Variants in ACTR3C observed in about 807,000 individuals in gnomAD.
ACTR3C encodes the protein actin related protein 3C.
In ACTR3C, 18 loss-of-function variants were observed where a neutral mutation model predicts 26.3. The ratio of observed to expected loss-of-function variants is 0.68; its 90% CI spans 0.47 to 1.01. The LOEUF (loss-of-function observed/expected upper bound fraction) is 1.01, where lower values mean the gene tolerates loss of function less well. ACTR3C is among the 50% of genes least tolerant of loss of function. The probability of loss-of-function intolerance (pLI) is 0.00; values close to 1 mark genes in which losing one functional copy is unlikely to be tolerated. For missense variants in ACTR3C, 184 were observed against 250.7 expected (o/e 0.73, Z 1.80); for synonymous variants, 55 against 94.5 (o/e 0.58, Z 2.42).
chr7:149,922,970 C>CTTGTATTTTTTTTTTTTT, the ACTR3C span, among the ~76,000 whole-genome samples: 1 of 69,146 alleles, frequency 1.4e-5, no homozygotes, highest in East Asian at 5.8e-4. Flanking sequence ...AAATAAAAGG[C>CTTGTATTTTTTTTTTTTT]TTTTTTTTTT....
At chr7:150,038,666 G>GA in the ACTR3C span, among the ~76,000 whole-genome samples, 1 of 144,624 alleles carries the variant, frequency 6.9e-6, no homozygotes, top group Admixed American at 6.8e-5. Context: ...CGTAAGGTCG[G>GA]AAGATTTGAA....
the ACTR3C span, among the ~76,000 whole-genome samples, chr7:150,086,108 C>T: frequency 6.6e-6 from 1 of 152,074 alleles, no homozygotes; most frequent in Non-Finnish European, 1.5e-5. Flanking sequence ...CTCAGCCTCC[C>T]AAGTAGCTGG....
the ACTR3C span, among the ~76,000 whole-genome samples, chr7:150,062,557 A>G: frequency 6.6e-6 from 1 of 151,392 alleles, no homozygotes; most frequent in East Asian, 1.9e-4. Context: ...AAAAGTAACA[A>G]AATCATGGTA....
At chr7:149,898,902 G>A in the ACTR3C span, among the ~76,000 whole-genome samples, 45 of 151,838 alleles carry the variant, frequency 3.0e-4, 1 homozygote, top group South Asian at 8.7e-3. Context: ...CAGTTCTTAT[G>A]AACACAATGG....
At chr7:150,264,646 C>A in intron 6 of ACTR3C, 2 of 963,354 alleles carry the variant, frequency 2.1e-6, no homozygotes, top group Non-Finnish European at 2.5e-6. Context: ...AAACAAAAGT[C>A]CCTAAACCGA....
chr7:150,279,030 C>T (rs1039158919), intron 6 of ACTR3C, among the ~76,000 whole-genome samples: 4 of 152,140 alleles, frequency 2.6e-5, no homozygotes, highest in Non-Finnish European at 5.9e-5. Flanking sequence ...ATAGAGCCGG[C>T]GCAGTGGTTC....
At chr7:149,976,209 T>C in the ACTR3C span, among the ~76,000 whole-genome samples, 1 of 152,192 alleles carries the variant, frequency 6.6e-6, no homozygotes, top group Non-Finnish European at 1.5e-5. Flanking sequence ...TAGATGACCA[T>C]TTTCTACTAC....
At chr7:150,103,576 T>G in the ACTR3C span, among the ~76,000 whole-genome samples, 1 of 151,978 alleles carries the variant, frequency 6.6e-6, no homozygotes, top group Admixed American at 6.6e-5. Context: ...GTGGTTGCAA[T>G]GAACATATAT....
rs1223586570 is a variant in ACTR3C, at chr7:150,303,543, C to T, written c.-51-8196G>A. ...ATCTATGTATTTCCATTTAAAGGAA[C>T]ATTTACAATATAATGATGTTCTCCT... On this transcript the variant is annotated intron_variant, in intron 1 of 7. Coordinates refer to ENST00000683684, the MANE Select transcript of ACTR3C (RefSeq NM_001164458.2). Among the ~76,000 whole-genome samples the T allele has an allele frequency of 5.3e-5, 8 of 152,316 alleles. No individual in the cohort carries two copies. The East Asian group carries it at 5.8e-4, about 11-fold the overall frequency.
the ACTR3C span, among the ~76,000 whole-genome samples, chr7:150,046,481 G>A: frequency 6.6e-6 from 1 of 151,528 alleles, no homozygotes; most frequent in South Asian, 2.1e-4. Flanking sequence ...CCCTGGGTAC[G>A]TCAGGGTAGA....
the ACTR3C span, among the ~76,000 whole-genome samples, chr7:150,060,452 G>C: frequency 2.6e-5 from 4 of 152,142 alleles, no homozygotes; most frequent in East Asian, 5.8e-4. Context: ...TCCCACCTAT[G>C]CCACACCAAC....
the ACTR3C span, among the ~76,000 whole-genome samples, chr7:150,028,400 G>A: frequency 2.6e-5 from 4 of 152,410 alleles, no homozygotes; most frequent in Admixed American, 6.5e-5. Context: ...GTAAGTGCAC[G>A]GGAGATCAAA....
the ACTR3C span, among the ~76,000 whole-genome samples, chr7:149,967,462 G>A: frequency 6.6e-6 from 1 of 152,252 alleles, no homozygotes; most frequent in Non-Finnish European, 1.5e-5. Flanking sequence ...GTTTGCCACC[G>A]TGTCTGGCCC....
At chr7:150,298,549 T>C (rs1167397658) in intron 1 of ACTR3C, among the ~76,000 whole-genome samples, 2 of 144,196 alleles carry the variant, frequency 1.4e-5, no homozygotes, top group Admixed American at 6.9e-5. Flanking sequence ...AGGTAATTAG[T>C]ACCCCACTCA....
the ACTR3C span, among the ~76,000 whole-genome samples, chr7:150,141,431 G>A: frequency 2.0e-5 from 3 of 151,874 alleles, no homozygotes; most frequent in African/African-American, 7.3e-5. Flanking sequence ...GGACCCATTA[G>A]TAACGAGCAT....
the ACTR3C span, among the ~76,000 whole-genome samples, chr7:150,025,052 A>G: frequency 2.0e-5 from 3 of 151,566 alleles, no homozygotes; most frequent in Non-Finnish European, 4.4e-5. Flanking sequence ...TAAGCAATTG[A>G]TTCTTCAAAG....
At chr7:149,885,188 CATT>C in the ACTR3C span, among the ~76,000 whole-genome samples, 1 of 152,162 alleles carries the variant, frequency 6.6e-6, no homozygotes, top group African/African-American at 2.4e-5. Context: ...ACACCCCTAC[CATT>C]GAAACCACTG....
At chr7:149,903,631 T>C in the ACTR3C span, among the ~76,000 whole-genome samples, 1 of 151,532 alleles carries the variant, frequency 6.6e-6, no homozygotes, top group Admixed American at 6.6e-5. Context: ...AGCCTCGATC[T>C]CCTGGGCTCA....
At chr7:150,211,187 GT>G in the ACTR3C span, among the ~76,000 whole-genome samples, 1 of 149,010 alleles carries the variant, frequency 6.7e-6, no homozygotes, top group Admixed American at 6.6e-5. Flanking sequence ...ACTGGCGTAG[GT>G]TCTCCATTAA....
Sources: allele counts gnomAD v4.1 joint callset (sites outside exome capture counted in the v4.1 genomes callset), GRCh38; gene constraint gnomAD v4.1.1; transcripts MANE v1.5; gene names NCBI Gene and HGNC (gene_info 2026-07-23, HGNC 2026-07-21).